The following BACH2 variants were observed in gnomAD, a reference collection of about 807,000 sequenced individuals.
BACH2 encodes BACH transcriptional regulator 2.
In BACH2, 5 loss-of-function variants were observed where a neutral mutation model predicts 61.8. The observed-to-expected ratio is 0.08, with a 90% confidence interval of 0.04 to 0.17. The LOEUF (loss-of-function observed/expected upper bound fraction) is 0.17, where lower values mean the gene tolerates loss of function less well. BACH2 is among the 10% of genes least tolerant of loss of function. The pLI is 1.00. For missense variants in BACH2, 824 were observed against 1,091.1 expected, an observed-to-expected ratio of 0.76 and a Z score of 3.45; for synonymous variants, 446 against 440.1, an observed-to-expected ratio of 1.01 and a Z score of -0.17.
At chr6:90,126,989 G>A (rs1400083637) in intron 4 of BACH2, among the ~76,000 whole-genome samples, 3 of 152,156 alleles carry the variant, frequency 2.0e-5, no homozygotes, top group African/African-American at 7.2e-5. Flanking sequence ...CCCTTTAAAG[G>A]GGGGATGGCA....
At chr6:89,958,807 C>A (rs980459516) in intron 6 of BACH2, among the ~76,000 whole-genome samples, 2 of 152,078 alleles carry the variant, frequency 1.3e-5, no homozygotes, top group African/African-American at 4.8e-5. Flanking sequence ...GTCTCACTCC[C>A]TCATCATCTT....
chr6:90,285,766 T>C (rs1772001178), intron 1 of BACH2, among the ~76,000 whole-genome samples: 1 of 152,102 alleles, frequency 6.6e-6, no homozygotes, highest in African/African-American at 2.4e-5. Context: ...GCGGTGCTGG[T>C]ACTATGGGCA....
chr6:90,118,020 T>C (rs1230126009), intron 4 of BACH2, among the ~76,000 whole-genome samples: 1 of 152,216 alleles, frequency 6.6e-6, no homozygotes, highest in Admixed American at 6.5e-5. Flanking sequence ...TTGACTATAA[T>C]ATTTTTCATT....
chr6:90,219,786 AC>A (rs1769676152), intron 3 of BACH2, among the ~76,000 whole-genome samples: 2 of 3,034 alleles, frequency 6.6e-4, no homozygotes, highest in African/African-American at 2.9e-3. Context: ...TAAAACACAT[AC>A]ACACACACAC....
At chr6:89,958,134 T>C (rs1349693271) in intron 6 of BACH2, among the ~76,000 whole-genome samples, 1 of 152,126 alleles carries the variant, frequency 6.6e-6, no homozygotes, top group Admixed American at 6.5e-5. Flanking sequence ...ACTTATAATT[T>C]TTTTGTTTAC....
intron 6 of BACH2, among the ~76,000 whole-genome samples, chr6:90,003,299 T>C (rs6454796): frequency 0.35 from 52,809 of 151,956 alleles, 11,517 homozygotes; most frequent in African/African-American, 0.63. Context: ...AGCCTCCTTG[T>C]GATTCCTCCT....
intron 4 of BACH2, among the ~76,000 whole-genome samples, chr6:90,104,867 T>C (rs926162783): frequency 5.9e-5 from 9 of 152,146 alleles, no homozygotes; most frequent in Admixed American, 5.9e-4. Flanking sequence ...AGCAGGTAGG[T>C]GTATGCTGGT....
chr6:90,018,256 C>T (rs1232501611), intron 5 of BACH2, among the ~76,000 whole-genome samples: 1 of 152,206 alleles, frequency 6.6e-6, no homozygotes, highest in Non-Finnish European at 1.5e-5. Flanking sequence ...CTGAAGATCT[C>T]TGGAGTTCTC....
chr6:90,002,062 T>C (rs903448669), intron 6 of BACH2, among the ~76,000 whole-genome samples: 3 of 152,224 alleles, frequency 2.0e-5, no homozygotes, highest in African/African-American at 4.8e-5. Flanking sequence ...AATTGCCGGA[T>C]GGTCAGTTTT....
intron 3 of BACH2, among the ~76,000 whole-genome samples, chr6:90,211,440 CTATT>C (rs966617318): frequency 1.3e-5 from 2 of 152,138 alleles, no homozygotes; most frequent in African/African-American, 4.8e-5. Context: ...TGATTCACCA[CTATT>C]TATTTACCAT....
intron 6 of BACH2, among the ~76,000 whole-genome samples, chr6:89,982,599 T>G (rs1278033057): frequency 6.6e-6 from 1 of 152,228 alleles, no homozygotes; most frequent in Non-Finnish European, 1.5e-5. Context: ...GCTGTGCTTT[T>G]TAGGAGTACG....
chr6:89,993,214 G>A (rs1776672281), intron 6 of BACH2, among the ~76,000 whole-genome samples: 1 of 152,116 alleles, frequency 6.6e-6, no homozygotes, highest in Non-Finnish European at 1.5e-5. Flanking sequence ...CAGCCTGAGT[G>A]AACTAATAAT....
rs181088084 is a variant in BACH2, at chr6:90,207,064, T to C, written c.-274-383A>G. ...CGTTTTTTGATTCATATGAATTACA[T>C]TTTAGAGTAAAAGGGTCATTGTACA... On this transcript the variant is annotated intron_variant, in intron 3 of 8. Coordinates refer to ENST00000257749, the MANE Select transcript of BACH2 (RefSeq NM_021813.4). Among the ~76,000 whole-genome samples, 8 of 152,254 alleles carry C rather than the reference T, an allele frequency of 5.3e-5. No homozygotes were observed. The East Asian group carries it at 1.5e-3, about 29-fold the overall frequency.
At chr6:90,205,314 G>A (rs931980842) in intron 4 of BACH2, among the ~76,000 whole-genome samples, 2 of 152,142 alleles carry the variant, frequency 1.3e-5, no homozygotes, top group Non-Finnish European at 2.9e-5. Context: ...TGTAGGCTCC[G>A]GAAACAACTC....
intron 4 of BACH2, among the ~76,000 whole-genome samples, chr6:90,110,055 T>G (rs1005928305): frequency 1.2e-4 from 19 of 152,256 alleles, no homozygotes; most frequent in African/African-American, 4.3e-4. Context: ...TTTTACATTT[T>G]TGCAAATCTC....
intron 7 of BACH2, among the ~76,000 whole-genome samples, chr6:89,945,722 TA>T (rs1221480865): frequency 6.6e-6 from 1 of 152,160 alleles, no homozygotes; most frequent in African/African-American, 2.4e-5. Context: ...TGTCTTAATT[TA>T]AAAAATAAAC....
At chr6:90,141,246 T>A (rs971917878) in intron 4 of BACH2, among the ~76,000 whole-genome samples, 3 of 152,178 alleles carry the variant, frequency 2.0e-5, no homozygotes, top group Admixed American at 6.5e-5. Flanking sequence ...AGGGGCGTGA[T>A]CTCGGCTCAC....
intron 6 of BACH2, among the ~76,000 whole-genome samples, chr6:89,954,377 T>C (rs945713377): frequency 4.0e-5 from 6 of 151,770 alleles, no homozygotes; most frequent in African/African-American, 7.3e-5. Flanking sequence ...TACACATGTG[T>C]CATGCTGGTG....
At chr6:90,249,140 G>A (rs1306714859) in intron 3 of BACH2, among the ~76,000 whole-genome samples, 1 of 152,180 alleles carries the variant, frequency 6.6e-6, no homozygotes, top group East Asian at 1.9e-4. Flanking sequence ...CAGAAGACAA[G>A]TCATAATGGA....
Sources: gnomAD v4.1 joint callset for allele counts (sites outside exome capture counted in the v4.1 genomes callset) on GRCh38, gnomAD v4.1.1 for gene constraint, MANE v1.5 for transcripts, NCBI Gene and HGNC (gene_info 2026-07-23, HGNC 2026-07-21) for gene names.